Variants in CHN2 observed in about 807,000 individuals in gnomAD.
CHN2 encodes the protein chimerin 2, also known as beta-chimaerin.
In CHN2, 35 loss-of-function variants were observed where a neutral mutation model predicts 56.3. The observed-to-expected ratio is 0.62, with a 90% CI of 0.47 to 0.82. The LOEUF (loss-of-function observed/expected upper bound fraction) is 0.82. Ranked by LOEUF, CHN2 falls within the 40% of genes least tolerant of loss-of-function variation. CHN2 has a pLI of 0.00. For synonymous variants in CHN2, 210 were observed against 212.8 expected (o/e 0.99, Z 0.12); for missense variants, 491 against 580.5 (o/e 0.85, Z 1.58).
chr7:29,505,925 A>G (rs554565594), intron 10 of CHN2, among the ~76,000 whole-genome samples: 1 of 152,352 alleles, frequency 6.6e-6, no homozygotes, highest in Admixed American at 6.5e-5. Context: ...TGAAATCAAC[A>G]TGGCATATCT....
chr7:29,257,815 TCTCA>T (rs1208765257), intron 1 of CHN2, among the ~76,000 whole-genome samples: 1 of 152,100 alleles, frequency 6.6e-6, no homozygotes, highest in African/African-American at 2.4e-5. Flanking sequence ...TGAGACGGGG[TCTCA>T]CTCTGTCACT....
At chr7:29,359,635 C>T (rs970583596) in intron 2 of CHN2, among the ~76,000 whole-genome samples, 5 of 152,330 alleles carry the variant, frequency 3.3e-5, no homozygotes, top group African/African-American at 1.2e-4. Flanking sequence ...CATACATCTG[C>T]AGCTAATTCT....
intron 1 of CHN2, among the ~76,000 whole-genome samples, chr7:29,211,106 TA>T (rs1784900444): frequency 6.6e-6 from 1 of 151,766 alleles, no homozygotes. Context: ...AGTCTCGCTC[TA>T]TCGCCCAGGC....
At chr7:29,147,149 C>A in intron 2 of CHN2, 1 of 757,432 alleles carries the variant, frequency 1.3e-6, no homozygotes. Flanking sequence ...ATATTATTAG[C>A]CACCACCAGG....
intron 1 of CHN2, among the ~76,000 whole-genome samples, chr7:29,280,293 A>G (rs1489236089): frequency 6.6e-6 from 1 of 152,040 alleles, no homozygotes; most frequent in Non-Finnish European, 1.5e-5. Context: ...CTGAGGCAGG[A>G]GAATTGCTTG....
chr7:29,194,824 G>C lies in CHN2; in HGVS notation c.-118G>C, dbSNP rs1401622053. 6.7e-6 allele frequency: 6 copies of C among 892,930 alleles called. No homozygotes were observed. Among genetic ancestry groups the C allele is most frequent in the Non-Finnish European group, 9.1e-6 (6 of 657,184 alleles). The allele number at this position is 892,930 out of a possible 1,614,324, so 55.3% of individuals were successfully genotyped here. Reference sequence around the variant, plus strand: ...GTCCGGAGGCTGGTGCTTTCTGCGCGTCCCCAGGACTTTGCCATGGGCTGG... The same window carrying C: ...GTCCGGAGGCTGGTGCTTTCTGCGCCTCCCCAGGACTTTGCCATGGGCTGG... On this transcript the variant is annotated 5_prime_UTR_variant, in exon 1 of 13. Coordinates refer to ENST00000222792, the MANE Select transcript of CHN2 (RefSeq NM_004067.4).
chr7:29,478,318 A>C (rs546492321), intron 6 of CHN2, among the ~76,000 whole-genome samples: 129 of 151,616 alleles, frequency 8.5e-4, no homozygotes, highest in Middle Eastern at 3.5e-3. Context: ...AGCTGGGTAC[A>C]TTAGGATCAG....
At chr7:29,498,054 T>G (rs1789492033) in intron 8 of CHN2, among the ~76,000 whole-genome samples, 1 of 152,226 alleles carries the variant, frequency 6.6e-6, no homozygotes, top group Non-Finnish European at 1.5e-5. Context: ...ATGATAAATT[T>G]ATCAGAATTT....
At chr7:29,270,614 A>C (rs1042079027) in intron 1 of CHN2, among the ~76,000 whole-genome samples, 1 of 152,102 alleles carries the variant, frequency 6.6e-6, no homozygotes, top group African/African-American at 2.4e-5. Flanking sequence ...TATTGAGTCA[A>C]GATCATGTCA....
At chr7:29,342,763 G>A (rs947496283) in intron 1 of CHN2, among the ~76,000 whole-genome samples, 3 of 152,188 alleles carry the variant, frequency 2.0e-5, no homozygotes, top group Admixed American at 2.0e-4. Context: ...AGCACTTTAG[G>A]TCTGATCTTG....
At chr7:29,505,957 A>T (rs371180386) in intron 10 of CHN2, among the ~76,000 whole-genome samples, 1 of 152,202 alleles carries the variant, frequency 6.6e-6, no homozygotes, top group Middle Eastern at 3.2e-3. Context: ...ACTGTTTTCT[A>T]TACATCGGCA....
At chr7:29,212,090 T>C (rs188529117) in intron 1 of CHN2, among the ~76,000 whole-genome samples, 2 of 152,272 alleles carry the variant, frequency 1.3e-5, no homozygotes, top group Admixed American at 6.5e-5. Context: ...CTCTAAAAGA[T>C]AGGGACTCTT....
intron 2 of CHN2, among the ~76,000 whole-genome samples, chr7:29,151,106 G>GAA (rs1441506868): frequency 6.6e-6 from 1 of 152,154 alleles, no homozygotes; most frequent in Admixed American, 6.5e-5. Flanking sequence ...TCAACTTATT[G>GAA]AAGTGCTTCA....
At chr7:29,447,071 G>T (rs1391643694) in intron 6 of CHN2, among the ~76,000 whole-genome samples, 1 of 152,138 alleles carries the variant, frequency 6.6e-6, no homozygotes, top group East Asian at 1.9e-4. Flanking sequence ...CGCCTGGCAA[G>T]GTAAAATTCA....
At chr7:29,305,642 G>A (rs1280742583) in intron 1 of CHN2, among the ~76,000 whole-genome samples, 1 of 152,178 alleles carries the variant, frequency 6.6e-6, no homozygotes, top group Non-Finnish European at 1.5e-5. Context: ...TGCGCAGAAT[G>A]AAAAGCCTGA....
intron 1 of CHN2, among the ~76,000 whole-genome samples, chr7:29,347,567 A>C (rs1797552584): frequency 6.6e-6 from 1 of 152,044 alleles, no homozygotes; most frequent in African/African-American, 2.4e-5. Flanking sequence ...ATCTCGTGAA[A>C]ACTCACCCAC....
chr7:29,379,364 G>A (rs899962434), intron 3 of CHN2, among the ~76,000 whole-genome samples: 3 of 152,214 alleles, frequency 2.0e-5, no homozygotes, highest in African/African-American at 7.2e-5. Context: ...TCTGAACATG[G>A]AAGCTAAACT....
chr7:29,351,263 G>C (rs1312560642), intron 1 of CHN2, among the ~76,000 whole-genome samples: 1 of 152,082 alleles, frequency 6.6e-6, no homozygotes, highest in Admixed American at 6.5e-5. Flanking sequence ...GCCGTTAGTT[G>C]TCAGAGATAG....
At chr7:29,330,604 A>G (rs1382724166) in intron 1 of CHN2, among the ~76,000 whole-genome samples, 1 of 152,212 alleles carries the variant, frequency 6.6e-6, no homozygotes, top group East Asian at 1.9e-4. Context: ...TTTTAGAAAA[A>G]CAAAGTAATA....
Sources: allele counts gnomAD v4.1 joint callset (sites outside exome capture counted in the v4.1 genomes callset), GRCh38; gene constraint gnomAD v4.1.1; transcripts MANE v1.5; gene names NCBI Gene and HGNC (gene_info 2026-07-23, HGNC 2026-07-21).